The following NPAS2 variants were observed in gnomAD, a reference collection of about 807,000 sequenced individuals.
The protein encoded by NPAS2 is neuronal PAS domain protein 2.
A neutral mutation model predicts 107.5 loss-of-function variants in NPAS2; 23 were observed. The observed-to-expected ratio is 0.21, with a 90% CI of 0.15 to 0.30. NPAS2 has a LOEUF of 0.30. NPAS2 is among the 10% of genes least tolerant of loss of function. The pLI is 1.00. For missense variants in NPAS2, 756 were observed against 1,043.3 expected (o/e 0.72, Z 3.79); for synonymous variants, 403 against 417.5 (o/e 0.97, Z 0.42).
At chr2:100,884,755 T>C (rs1209770764) in intron 1 of NPAS2, among the ~76,000 whole-genome samples, 1 of 151,970 alleles carries the variant, frequency 6.6e-6, no homozygotes, top group Non-Finnish European at 1.5e-5. Context: ...GTTTAAACCA[T>C]GGGAAGGAGG....
chr2:100,934,889 G>A, intron 4 of NPAS2: 2 of 985,362 alleles, frequency 2.0e-6, no homozygotes, highest in Non-Finnish European at 2.4e-6. Flanking sequence ...AAGAATCCAG[G>A]TGCCATGTCT....
At chr2:100,862,565 G>A (rs1241981034) in intron 1 of NPAS2, among the ~76,000 whole-genome samples, 1 of 152,198 alleles carries the variant, frequency 6.6e-6, no homozygotes, top group Non-Finnish European at 1.5e-5. Context: ...GCGGCTGCCT[G>A]ACAGTCACTG....
chr2:100,821,310 C>G, intron 1 of NPAS2: 1 of 923,934 alleles, frequency 1.1e-6, no homozygotes, highest in East Asian at 6.5e-5. Flanking sequence ...AAAGTCTAAA[C>G]ACTCCCGAGC....
intron 2 of NPAS2, among the ~76,000 whole-genome samples, chr2:100,920,508 C>T (rs1683151058): frequency 6.6e-6 from 1 of 152,086 alleles, no homozygotes; most frequent in Non-Finnish European, 1.5e-5. Flanking sequence ...TGAGTTCCAC[C>T]CATGAGTGCC....
In NPAS2 at chr2:100,996,685, A is replaced by G. The variant is rs1678454039; in HGVS notation, c.*1103A>G. ...GCTGTTGTAATAATGACCTATTTCT[A>G]TATAAAATAAAATTGTATGGCTTAT... On this transcript the variant is annotated 3_prime_UTR_variant, in exon 21 of 21. Transcript: ENST00000335681. The G allele has an allele frequency of 6.6e-6, 1 of 152,658 alleles. No individual in the cohort carries two copies. Among genetic ancestry groups the G allele is most frequent in the South Asian group, 2.1e-4 (1 of 4,834 alleles). 9.5% of individuals were successfully genotyped at this position (152,658 alleles called of 1,614,324 possible).
At chr2:100,890,761 G>A (rs375305372) in intron 1 of NPAS2, among the ~76,000 whole-genome samples, 51 of 152,096 alleles carry the variant, frequency 3.4e-4, no homozygotes, top group Non-Finnish European at 6.2e-4. Context: ...AGAGAGTCCC[G>A]GGTGTGAAGG....
chr2:100,880,535 G>T (rs571317490), intron 1 of NPAS2, among the ~76,000 whole-genome samples: 1 of 152,218 alleles, frequency 6.6e-6, no homozygotes, highest in African/African-American at 2.4e-5. Context: ...CATGGCAAAA[G>T]GTTGTATAGT....
At chr2:100,990,097 G>T (rs886203636) in intron 17 of NPAS2, 159 bp from the exon 18 acceptor site, 5 of 709,504 alleles carry the variant, frequency 7.0e-6, no homozygotes, top group African/African-American at 5.3e-5. Flanking sequence ...CAATCCAATG[G>T]GGAAGACAGT....
intron 7 of NPAS2, among the ~76,000 whole-genome samples, chr2:100,957,702 G>A (rs554605207): frequency 1.6e-4 from 24 of 152,148 alleles, no homozygotes; most frequent in Admixed American, 6.5e-4. Context: ...CGAGGCGGGC[G>A]GATCACGATG....
intron 1 of NPAS2, among the ~76,000 whole-genome samples, chr2:100,821,545 C>T (rs751135447): frequency 2.0e-5 from 3 of 152,304 alleles, no homozygotes; most frequent in South Asian, 4.1e-4. Context: ...AGAACCCAAA[C>T]CTTATTTTCC....
In NPAS2 at chr2:100,820,228, A is replaced by AGCCCGGAGACCCGCAGCCGCGGC. The variant is rs1675993667; in HGVS notation, c.-207_-185dup. 1 of 146,560 alleles carries AGCCCGGAGACCCGCAGCCGCGGC rather than the reference A, an allele frequency of 6.8e-6. No individual in the cohort carries two copies. The highest frequency in any genetic ancestry group is 1.5e-5 in the Non-Finnish European group (1 of 66,130). The allele number at this position is 146,560 out of a possible 1,614,324, so 9.1% of individuals were successfully genotyped here. On this transcript the variant is annotated 5_prime_UTR_variant, in exon 1 of 21. Coordinates refer to ENST00000335681, the MANE Select transcript of NPAS2 (RefSeq NM_002518.4). This position sits in a 1 kb window ranked among gnomAD's most constrained non-coding sequence, Gnocchi z 5.6. ...TGCGGCCCAGGAGCGGCGGCCGCGG[A>AGCCCGGAGACCCGCAGCCGCGGC]GCCCGGAGACCCGCAGCCGCGGCGG...
chr2:100,830,723 T>C (rs995080598), intron 1 of NPAS2, among the ~76,000 whole-genome samples: 2 of 152,210 alleles, frequency 1.3e-5, no homozygotes, highest in Non-Finnish European at 2.9e-5. Context: ...GATCTGTCTT[T>C]AGTGTTGTAT....
chr2:100,911,909 G>A lies in NPAS2; in HGVS notation c.32+7123G>A, dbSNP rs546267643. On this transcript the variant is annotated intron_variant, in intron 2 of 20. Transcript: ENST00000335681. ...GGCCTCCCAAAGTGCTGGGATTACA[G>A]GTGTGAGCAATGGCGCCCGGCTTCC... Among the ~76,000 whole-genome samples the A allele has an allele frequency of 2.6e-4, 39 of 152,342 alleles. No individual in the cohort carries two copies. In the East Asian group the frequency reaches 5.6e-3, roughly 22 times the overall value.
At chr2:100,938,958 C>G (rs1344222807) in intron 5 of NPAS2, among the ~76,000 whole-genome samples, 3 of 152,162 alleles carry the variant, frequency 2.0e-5, no homozygotes, top group Non-Finnish European at 4.4e-5. Flanking sequence ...GAAGGCTTGC[C>G]CTGGATTCAC....
At chr2:100,974,665 T>G in intron 12 of NPAS2, 138 bp from the exon 13 acceptor site, 1 of 935,896 alleles carries the variant, frequency 1.1e-6, no homozygotes, top group South Asian at 1.7e-5. Flanking sequence ...CCCAAGCATC[T>G]TTGGAATCGT....
chr2:100,858,033 C>T (rs1678691758), intron 1 of NPAS2, among the ~76,000 whole-genome samples: 1 of 152,210 alleles, frequency 6.6e-6, no homozygotes, highest in African/African-American at 2.4e-5. Context: ...GGAAATGATG[C>T]AGCTCTTTAT....
At chr2:100,881,603 T>G (rs1248141630) in intron 1 of NPAS2, among the ~76,000 whole-genome samples, 2 of 152,222 alleles carry the variant, frequency 1.3e-5, no homozygotes, top group East Asian at 3.9e-4. Flanking sequence ...GGAGAATCAC[T>G]TGAACCCAGG....
chr2:100,873,129 C>T (rs1679679908), intron 1 of NPAS2, among the ~76,000 whole-genome samples: 1 of 150,712 alleles, frequency 6.6e-6, no homozygotes, highest in Non-Finnish European at 1.5e-5. Context: ...ATCGTGAAAC[C>T]TCATCTCTAC....
intron 1 of NPAS2, among the ~76,000 whole-genome samples, chr2:100,879,392 C>G (rs978532061): frequency 5.3e-5 from 8 of 152,094 alleles, no homozygotes; most frequent in African/African-American, 1.9e-4. Flanking sequence ...GTTCCTAATG[C>G]ACTACAATGT....
Sources: allele counts gnomAD v4.1 joint callset (sites outside exome capture counted in the v4.1 genomes callset), GRCh38; gene constraint gnomAD v4.1.1; non-coding constraint Gnocchi (gnomAD v3.1); transcripts MANE v1.5; gene names NCBI Gene and HGNC (gene_info 2026-07-23, HGNC 2026-07-21).